EIF4G3: variants seen among roughly 807,000 people sequenced by gnomAD.
EIF4G3 encodes eIF-4-gamma 3.
EIF4G3 carries 34 observed loss-of-function variants against 186.4 expected under a neutral mutation model. The ratio of observed to expected loss-of-function variants is 0.18; its 90% CI spans 0.14 to 0.24. The LOEUF is 0.24. Among genes scored for constraint, EIF4G3 ranks in the 10% least tolerant of loss-of-function variants. EIF4G3 has a pLI of 1.00. For synonymous variants in EIF4G3, 673 were observed against 679.5 expected (o/e 0.99, Z 0.15); for missense variants, 1,536 against 1,948.5 (o/e 0.79, Z 3.99).
chr1:21,130,225 T>TC (rs1299041232), intron 2 of EIF4G3, among the ~76,000 whole-genome samples: 1 of 140,100 alleles, frequency 7.1e-6, no homozygotes, highest in Non-Finnish European at 1.5e-5. Context: ...TCTTTTTTTT[T>TC]TTTTTTTTTT....
At chr1:20,844,893 A>G (rs72652923) in intron 29 of EIF4G3, among the ~76,000 whole-genome samples, 1,978 of 152,294 alleles carry the variant, frequency 0.013, 21 homozygotes, top group Non-Finnish European at 0.02. Flanking sequence ...GTATATTGCA[A>G]ACATTTCCTC....
chr1:20,884,399 C>G (rs1171389490), intron 19 of EIF4G3, among the ~76,000 whole-genome samples: 11 of 152,090 alleles, frequency 7.2e-5, no homozygotes, highest in Admixed American at 7.2e-4. Context: ...AGGATAACAT[C>G]TATTTCCTCA....
intron 2 of EIF4G3, among the ~76,000 whole-genome samples, chr1:21,149,784 T>C (rs1215400146): frequency 6.6e-6 from 1 of 152,172 alleles, no homozygotes; most frequent in African/African-American, 2.4e-5. Context: ...TGCCACCCAC[T>C]CCATCTCTGA....
At chr1:21,143,067 G>C (rs938716770) in intron 2 of EIF4G3, among the ~76,000 whole-genome samples, 1 of 152,052 alleles carries the variant, frequency 6.6e-6, no homozygotes, top group East Asian at 1.9e-4. Context: ...TGACCAACAT[G>C]ATGAAACCCT....
At chr1:20,869,376 G>A (rs966567007) in intron 20 of EIF4G3, among the ~76,000 whole-genome samples, 1 of 147,230 alleles carries the variant, frequency 6.8e-6, no homozygotes, top group Non-Finnish European at 1.5e-5. Context: ...TCAAACTTCG[G>A]GGCTCAAGTG....
intron 4 of EIF4G3, among the ~76,000 whole-genome samples, chr1:21,031,731 A>G (rs2092766098): frequency 1.3e-5 from 2 of 152,234 alleles, no homozygotes; most frequent in Admixed American, 1.3e-4. Flanking sequence ...AAGTATATCC[A>G]GATAACTAAT....
chr1:20,868,857 G>A (rs2078309471), intron 20 of EIF4G3, among the ~76,000 whole-genome samples: 1 of 152,168 alleles, frequency 6.6e-6, no homozygotes, highest in African/African-American at 2.4e-5. Flanking sequence ...AACTAACAAT[G>A]TGGCATTAGT....
At chr1:20,833,736 T>C (rs1241473861) in intron 30 of EIF4G3, among the ~76,000 whole-genome samples, 1 of 152,122 alleles carries the variant, frequency 6.6e-6, no homozygotes, top group African/African-American at 2.4e-5. Context: ...AAAAAGCCTT[T>C]GACAAAATTC....
chr1:21,067,452 A>G (rs1284597470), intron 3 of EIF4G3, among the ~76,000 whole-genome samples: 1 of 152,096 alleles, frequency 6.6e-6, no homozygotes, highest in African/African-American at 2.4e-5. Flanking sequence ...TAATATTTTA[A>G]CAAGGTATCT....
intron 22 of EIF4G3, among the ~76,000 whole-genome samples, chr1:20,863,680 G>A (rs2076917619): frequency 6.6e-6 from 1 of 151,502 alleles, no homozygotes; most frequent in Admixed American, 6.6e-5. Flanking sequence ...CTGACCTCAG[G>A]TGATCTGCCC....
chr1:20,844,606 G>A (rs997845955), intron 29 of EIF4G3, among the ~76,000 whole-genome samples: 5 of 151,938 alleles, frequency 3.3e-5, no homozygotes, highest in Admixed American at 1.3e-4. Context: ...TTTGGGATGC[G>A]GATCACCTGA....
chr1:21,160,186 G>A (rs1171678609), intron 2 of EIF4G3, among the ~76,000 whole-genome samples: 2 of 150,578 alleles, frequency 1.3e-5, no homozygotes, highest in African/African-American at 4.9e-5. Context: ...GCCAAAGCTA[G>A]AACAATCTGA....
Position 21,176,166 on chromosome 1 carries a change from A to C in EIF4G3, c.-272+9T>G. The C allele has an allele frequency of 2.5e-6, 1 of 401,288 alleles. No homozygotes were observed. The highest frequency in any genetic ancestry group is 4.4e-6 in the Non-Finnish European group (1 of 228,538). The allele number at this position is 401,288 out of a possible 1,614,324, so 24.9% of individuals were successfully genotyped here. A position where few individuals can be genotyped will look rare whatever the true frequency, so the allele number is the denominator to read the frequency against. On this transcript the variant is annotated intron_variant, in intron 2 of 36. Coordinates refer to ENST00000602326, the MANE Select transcript of EIF4G3 (RefSeq NM_001391906.1). ...AACCGAAGGGCCGACAGGAAGGTGA[A>C]AAGGATACTGTTGGGGCGCCTGAGT...
rs2093101309 is a variant in EIF4G3 at position 20,910,989 on chromosome 1, A to C, written c.1664-6018T>G. Among the ~76,000 whole-genome samples, 3 of 152,248 alleles carry C rather than the reference A, an allele frequency of 2.0e-5. No individual in the cohort carries two copies. In the South Asian group the frequency reaches 6.2e-4, roughly 31 times the overall value. ...AATTTTAAATTGGGAGAAATAAAAAAGTAAAACTTTTAAAGTTGATTTTCA... is the reference window on the plus strand; with the variant it reads ...AATTTTAAATTGGGAGAAATAAAAACGTAAAACTTTTAAAGTTGATTTTCA... On this transcript the variant is annotated intron_variant, in intron 14 of 36. Transcript: ENST00000602326.
At chr1:20,918,410 G>A (rs951027479) in intron 14 of EIF4G3, among the ~76,000 whole-genome samples, 1 of 151,886 alleles carries the variant, frequency 6.6e-6, no homozygotes, top group Non-Finnish European at 1.5e-5. Flanking sequence ...GTCTCCCTAT[G>A]TTGCCTAGGC....
chr1:21,004,222 C>T (rs1241682313), intron 4 of EIF4G3, among the ~76,000 whole-genome samples: 1 of 152,068 alleles, frequency 6.6e-6, no homozygotes, highest in Admixed American at 6.6e-5. Flanking sequence ...AAATCAATAA[C>T]CAATAAGAAC....
intron 4 of EIF4G3, among the ~76,000 whole-genome samples, chr1:21,034,563 G>A (rs1428939362): frequency 6.6e-6 from 1 of 152,180 alleles, no homozygotes; most frequent in Non-Finnish European, 1.5e-5. Context: ...TATAGTATGA[G>A]ACAATTTTGC....
chr1:21,031,117 T>G (rs1159572774), intron 4 of EIF4G3, among the ~76,000 whole-genome samples: 1 of 149,924 alleles, frequency 6.7e-6, no homozygotes, highest in Non-Finnish European at 1.5e-5. Flanking sequence ...ACCCAGGAGG[T>G]GTGGGCCGCA....
intron 29 of EIF4G3, among the ~76,000 whole-genome samples, chr1:20,843,394 G>GT (rs1317715560): frequency 1.3e-5 from 2 of 151,988 alleles, no homozygotes. Context: ...GCACACGCCT[G>GT]TAATCTCAGC....
Sources: gnomAD v4.1 joint callset for allele counts (sites outside exome capture counted in the v4.1 genomes callset) on GRCh38, gnomAD v4.1.1 for gene constraint, MANE v1.5 for transcripts, NCBI Gene and HGNC (gene_info 2026-07-23, HGNC 2026-07-21) for gene names.